Variants in VPS41 observed in about 807,000 individuals in gnomAD.
VPS41 encodes vacuolar protein sorting-associated protein 41 homolog.
A neutral mutation model predicts 130.9 loss-of-function variants in VPS41; 85 were observed. The observed-to-expected ratio is 0.65, with a 90% confidence interval of 0.55 to 0.78. The LOEUF (loss-of-function observed/expected upper bound fraction) is 0.78. VPS41 is among the 30% of genes least tolerant of loss of function. The pLI is 0.00. For missense variants in VPS41, 874 were observed against 1,018.7 expected (o/e 0.86, Z 1.93); for synonymous variants, 335 against 332.9 (o/e 1.01, Z -0.07).
chr7:38,836,132 C>T (rs1785486572), intron 4 of VPS41, among the ~76,000 whole-genome samples: 1 of 151,882 alleles, frequency 6.6e-6, no homozygotes, highest in Admixed American at 6.6e-5. Context: ...GGCTTAGTTA[C>T]ATTATTTTAT....
intron 25 of VPS41, among the ~76,000 whole-genome samples, chr7:38,741,559 A>C (rs1198927069): frequency 6.6e-6 from 1 of 152,214 alleles, no homozygotes; most frequent in Middle Eastern, 3.2e-3. Flanking sequence ...CTTCAAGAAA[A>C]ATTATTACCT....
At chr7:38,729,300 T>C (rs1400896785) in intron 25 of VPS41, among the ~76,000 whole-genome samples, 4 of 152,188 alleles carry the variant, frequency 2.6e-5, no homozygotes, top group East Asian at 3.9e-4. Context: ...GTACTGGGTA[T>C]AGATAATAAA....
chr7:38,773,497 G>C (rs1784194740), intron 12 of VPS41, among the ~76,000 whole-genome samples: 1 of 152,116 alleles, frequency 6.6e-6, no homozygotes, highest in African/African-American at 2.4e-5. Flanking sequence ...GTTTAAAGTA[G>C]TACAGCATTC....
At chr7:38,736,457 C>T (rs1336653662) in intron 25 of VPS41, among the ~76,000 whole-genome samples, 5 of 152,260 alleles carry the variant, frequency 3.3e-5, no homozygotes, top group African/African-American at 1.2e-4. Flanking sequence ...TCTCAATAGG[C>T]TTGTTAATGG....
At chr7:38,852,414 A>G (rs1162549492) in intron 4 of VPS41, among the ~76,000 whole-genome samples, 1 of 152,210 alleles carries the variant, frequency 6.6e-6, no homozygotes, top group Non-Finnish European at 1.5e-5. Flanking sequence ...GTTACAAGCA[A>G]TAAAATCCCT....
intron 6 of VPS41, among the ~76,000 whole-genome samples, chr7:38,819,615 G>T (rs1463184288): frequency 6.6e-6 from 1 of 152,014 alleles, no homozygotes; most frequent in Non-Finnish European, 1.5e-5. Flanking sequence ...CCTTGTTTCA[G>T]TCCTTCCCCC....
At chr7:38,791,969 G>A (rs1354956254) in intron 9 of VPS41, among the ~76,000 whole-genome samples, 1 of 152,130 alleles carries the variant, frequency 6.6e-6, no homozygotes, top group Non-Finnish European at 1.5e-5. Context: ...GAAAGACAAT[G>A]TTATTATGTT....
At chr7:38,817,085 T>C (rs1430959945) in intron 7 of VPS41, among the ~76,000 whole-genome samples, 3 of 151,826 alleles carry the variant, frequency 2.0e-5, no homozygotes, top group Admixed American at 6.6e-5. Flanking sequence ...TAATAAAATG[T>C]GCCATGAACA....
intron 25 of VPS41, among the ~76,000 whole-genome samples, chr7:38,740,380 T>C (rs1042765860): frequency 6.6e-6 from 1 of 152,162 alleles, no homozygotes; most frequent in African/African-American, 2.4e-5. Flanking sequence ...ACCTTCAAAA[T>C]TAGTGACTTC....
Position 38,876,810 on chromosome 7 carries a change from T to C in VPS41, c.61-7557A>G, listed in dbSNP as rs1230339415. Among the ~76,000 whole-genome samples the C allele has an allele frequency of 2.6e-5, 4 of 152,168 alleles. No homozygotes were observed. The East Asian group carries it at 7.7e-4, about 29-fold the overall frequency. ...TGCCCTGTAGTATTAGAATTTCATG[T>C]TCAATTCAAGGAGGAAAAAATAAGG... is the stretch of plus-strand genomic sequence containing the variant. On this transcript the variant is annotated intron_variant, in intron 2 of 28. Coordinates refer to ENST00000310301, the MANE Select transcript of VPS41 (RefSeq NM_014396.4).
intron 1 of VPS41, among the ~76,000 whole-genome samples, chr7:38,905,589 G>A (rs908384206): frequency 6.6e-6 from 1 of 152,040 alleles, no homozygotes; most frequent in African/African-American, 2.4e-5. Flanking sequence ...CACTATTTTG[G>A]TTCTTCTGAA....
Position 38,856,052 on chromosome 7 carries a change from C to T in VPS41, c.246+6493G>A, listed in dbSNP as rs536369364. Among the ~76,000 whole-genome samples, 156 of 152,152 alleles carry T rather than the reference C, an allele frequency of 1.0e-3. 1 individual carries two copies. The highest frequency in any genetic ancestry group is 3.6e-3 in the African/African-American group (151 of 41,512). ...CCTTCCCGCTGTGTCCTTATATGGC[C>T]GGCAGGAAGGGGGAGGAAGGGAAGG... On this transcript the variant is annotated intron_variant, in intron 4 of 28. Coordinates refer to ENST00000310301, the MANE Select transcript of VPS41 (RefSeq NM_014396.4).
At chr7:38,771,054 T>C in intron 14 of VPS41, 144 bp downstream of exon 14, 1 of 656,284 alleles carries the variant, frequency 1.5e-6, no homozygotes, top group Non-Finnish European at 2.6e-6. Context: ...TTTGATAAAA[T>C]ATTTTGATCT....
chr7:38,908,796 A>T (rs767049469), intron 1 of VPS41, among the ~76,000 whole-genome samples: 42 of 152,184 alleles, frequency 2.8e-4, no homozygotes, highest in Non-Finnish European at 5.3e-4. Context: ...AGTGGAAAGC[A>T]ACTTAAATTT....
intron 7 of VPS41, among the ~76,000 whole-genome samples, chr7:38,797,207 T>A (rs887199364): frequency 1.3e-5 from 2 of 152,250 alleles, no homozygotes; most frequent in Non-Finnish European, 2.9e-5. Context: ...GGGAACTAAT[T>A]TATTTTGTAA....
intron 6 of VPS41, among the ~76,000 whole-genome samples, chr7:38,820,833 T>C (rs1232508216): frequency 6.6e-6 from 1 of 152,174 alleles, no homozygotes; most frequent in African/African-American, 2.4e-5. Flanking sequence ...ACTCCACCAA[T>C]GAAGCCATCA....
intron 25 of VPS41, among the ~76,000 whole-genome samples, chr7:38,740,830 T>C (rs1017313338): frequency 6.6e-6 from 1 of 152,140 alleles, no homozygotes; most frequent in African/African-American, 2.4e-5. Context: ...GGCCTTCATG[T>C]CCATTAGGAT....
chr7:38,779,302 T>C (rs1415098197), intron 10 of VPS41, among the ~76,000 whole-genome samples: 3 of 152,190 alleles, frequency 2.0e-5, no homozygotes, highest in African/African-American at 7.2e-5. Context: ...GTAATCAACA[T>C]TTGGATAAAA....
chr7:38,878,223 T>C (rs941130436), intron 2 of VPS41, among the ~76,000 whole-genome samples: 2 of 151,200 alleles, frequency 1.3e-5, no homozygotes, highest in African/African-American at 2.4e-5. Flanking sequence ...GAAAAAAAAA[T>C]AGTAAGTCCA....
Sources: allele counts gnomAD v4.1 joint callset (sites outside exome capture counted in the v4.1 genomes callset), GRCh38; gene constraint gnomAD v4.1.1; transcripts MANE v1.5; gene names NCBI Gene and HGNC (gene_info 2026-07-23, HGNC 2026-07-21).